The following ECSIT variants were observed in gnomAD, a reference collection of about 807,000 sequenced individuals.
ECSIT encodes the protein evolutionarily conserved signaling intermediate in Toll pathway, mitochondrial.
In ECSIT, 29 loss-of-function variants were observed where a neutral mutation model predicts 36.8. The ratio of observed to expected loss-of-function variants is 0.79; its 90% CI spans 0.59 to 1.08. The LOEUF is 1.08. Among genes scored for constraint, ECSIT ranks in the 50% least tolerant of loss-of-function variants. The pLI is 0.00. For missense variants in ECSIT, 542 were observed against 581.0 expected (o/e 0.93, Z 0.69); for synonymous variants, 231 against 234.8 (o/e 0.98, Z 0.15).
intron 4 of ECSIT, chr19:11,510,781 TGGTCTCAA>T (rs1377197233): frequency 1.3e-5 from 2 of 150,798 alleles, no homozygotes. Flanking sequence ...ATTCTGCTGC[TGGTCTCAA>T]GCCATCTCTC....
chr19:11,514,382 G>A (rs1035588004), intron 2 of ECSIT, among the ~76,000 whole-genome samples, 161 bp from the exon 3 acceptor site: 1 of 152,194 alleles, frequency 6.6e-6, no homozygotes, highest in East Asian at 1.9e-4. Context: ...TACAAAGTGC[G>A]ATAAAACACA....
chr19:11,518,962 T>G (rs933623303), intron 2 of ECSIT, 113 bp downstream of exon 2: 7 of 865,794 alleles, frequency 8.1e-6, no homozygotes, highest in African/African-American at 3.3e-5. Context: ...TCGGCACTGA[T>G]AGGCCAGCCC....
intron 1 of ECSIT, among the ~76,000 whole-genome samples, chr19:11,526,737 G>C (rs1443166057): frequency 1.5e-5 from 1 of 68,942 alleles, no homozygotes; most frequent in African/African-American, 6.4e-5. Context: ...TTTTTTTTTT[G>C]GAGACAGAGT....
rs1972057462 is a variant in ECSIT at position 11,519,342 on chromosome 19, C to CA, written c.-23-150dup. 39 of 678,742 alleles carry CA rather than the reference C, an allele frequency of 5.7e-5. No individual in the cohort carries two copies. The South Asian group carries it at 6.0e-4, about 10-fold the overall frequency. 42.0% of individuals were successfully genotyped at this position (678,742 alleles called of 1,614,324 possible). ...TTACCCAAGAAACAGGCTGATGACT[C>CA]AAAGACTTTGTTCTTGGGACAGCAC... On this transcript the variant is annotated intron_variant, in intron 1 of 7. Transcript: ENST00000270517. This position sits in a 1 kb window ranked among gnomAD's most constrained non-coding sequence, Gnocchi z 4.4.
intron 4 of ECSIT, among the ~76,000 whole-genome samples, chr19:11,512,484 C>T (rs1487690438): frequency 1.3e-5 from 2 of 152,174 alleles, no homozygotes; most frequent in Admixed American, 6.5e-5. Context: ...ACTTCCCAGC[C>T]TCTAGAACTG....
At chr19:11,523,561 A>C in intron 1 of ECSIT, 1 of 1,062,332 alleles carries the variant, frequency 9.4e-7, no homozygotes, top group South Asian at 1.3e-5. Flanking sequence ...CCAAAGCCTT[A>C]GACAAGCGCC....
intron 4 of ECSIT, 52 bp from the exon 5 acceptor site, chr19:11,508,100 G>A (rs1599575803): frequency 6.2e-7 from 1 of 1,604,016 alleles, no homozygotes; most frequent in Non-Finnish European, 8.5e-7. Context: ...CCCTACAGAG[G>A]AACTGGGGAC....
intron 1 of ECSIT, among the ~76,000 whole-genome samples, chr19:11,521,455 A>G (rs1402527002): frequency 7.1e-6 from 1 of 140,662 alleles, no homozygotes; most frequent in African/African-American, 2.6e-5. Flanking sequence ...TTATACGTGG[A>G]TTTTTTTTTT....
chr19:11,520,405 C>T (rs565968596), intron 1 of ECSIT, among the ~76,000 whole-genome samples: 3 of 152,276 alleles, frequency 2.0e-5, no homozygotes, highest in Non-Finnish European at 4.4e-5. Context: ...CTCCTGACCT[C>T]AAGTGATCCG....
intron 1 of ECSIT, chr19:11,521,940 C>T (rs981811140): frequency 6.0e-5 from 10 of 167,814 alleles, no homozygotes; most frequent in East Asian, 5.2e-4. Flanking sequence ...CTCCTTTTGC[C>T]GGTGGCGGCA....
chr19:11,528,978 A>C (rs935212928), intron 1 of ECSIT, 84 bp downstream of exon 1: 5 of 152,222 alleles, frequency 3.3e-5, no homozygotes, highest in Non-Finnish European at 5.9e-5. Flanking sequence ...GGGTCCCTCC[A>C]GGGCTGCCCT....
At chr19:11,522,629 G>T in intron 1 of ECSIT, 1 of 532,616 alleles carries the variant, frequency 1.9e-6, no homozygotes, top group South Asian at 2.3e-5. Flanking sequence ...TGGGAGAATT[G>T]CTTGCACCTG....
chr19:11,506,830 C>T (rs1971753727), intron 7 of ECSIT, among the ~76,000 whole-genome samples: 2 of 152,288 alleles, frequency 1.3e-5, no homozygotes, highest in East Asian at 1.9e-4. Flanking sequence ...CCACTGTGCC[C>T]GGCTTCCTTC....
chr19:11,507,830 G>T lies in ECSIT; in HGVS notation c.817C>A (p.Gln273Lys). 1 of 1,613,446 alleles carries T rather than the reference G, an allele frequency of 6.2e-7. No individual in the cohort carries two copies. The highest frequency in any genetic ancestry group is 8.5e-7 in the Non-Finnish European group (1 of 1,179,978). ...HIVGIQSPDQ[Q>K]AALARHNPAR... ...GGATTGTGGCGGGCCAGGGCGGCCT[G>T]CTGATCGGGACTCTGGATTCCTGGT... Residue 273 changes from glutamine (Q) to lysine (K), a missense_variant, in exon 6 of 8, where the codon CAG (glutamine) becomes AAG (lysine). By Grantham distance (53) the Gln-to-Lys change is moderately conservative. Transcript: ENST00000270517.
At chr19:11,528,023 A>C (rs1384636070) in intron 1 of ECSIT, among the ~76,000 whole-genome samples, 1 of 152,060 alleles carries the variant, frequency 6.6e-6, no homozygotes, top group Non-Finnish European at 1.5e-5. Flanking sequence ...TAAATAAATA[A>C]AATCAGATAG....
chr19:11,511,227 G>A (rs1207473443), intron 4 of ECSIT, among the ~76,000 whole-genome samples: 1 of 152,140 alleles, frequency 6.6e-6, no homozygotes, highest in Non-Finnish European at 1.5e-5. Flanking sequence ...GTGTGATCTG[G>A]CATGAGTGGG....
At chr19:11,512,943 A>C in intron 4 of ECSIT, 113 bp downstream of exon 4, 1 of 1,131,198 alleles carries the variant, frequency 8.8e-7, no homozygotes, top group Non-Finnish European at 1.3e-6. Flanking sequence ...ACCCTGTCTC[A>C]AAAAAGAACT....
At chr19:11,509,827 T>C (rs1971834513) in intron 4 of ECSIT, among the ~76,000 whole-genome samples, 1 of 152,020 alleles carries the variant, frequency 6.6e-6, no homozygotes, top group Admixed American at 6.6e-5. Context: ...TAAATGAAAT[T>C]TGTAAAAGGC....
chr19:11,519,252 G>A lies in ECSIT; in HGVS notation c.-23-59C>T. The A allele has an allele frequency of 8.7e-7, 1 of 1,155,386 alleles. No homozygotes were observed. Among genetic ancestry groups the A allele is most frequent in the Non-Finnish European group, 1.3e-6 (1 of 798,130 alleles). 71.6% of individuals were successfully genotyped at this position (1,155,386 alleles called of 1,614,324 possible). ...ACCTTACAGATGCTAACAGACGCAA[G>A]GGCCCCGCAGGGTCGAGGGCACACT... is the stretch of plus-strand genomic sequence containing the variant. On this transcript the variant is annotated intron_variant, in intron 1 of 7. Coordinates refer to ENST00000270517, the MANE Select transcript of ECSIT (RefSeq NM_016581.5). The surrounding 1 kb of genome is among the most constrained non-coding windows in gnomAD (Gnocchi z 4.4).
Sources: allele counts gnomAD v4.1 joint callset (sites outside exome capture counted in the v4.1 genomes callset), GRCh38; gene constraint gnomAD v4.1.1; non-coding constraint Gnocchi (gnomAD v3.1); transcripts MANE v1.5; gene names NCBI Gene and HGNC (gene_info 2026-07-23, HGNC 2026-07-21).